Variants in KCNIP4 observed in about 807,000 individuals in gnomAD.
KCNIP4 encodes potassium voltage-gated channel interacting protein 4, also known as Kv channel-interacting protein 4.
A neutral mutation model predicts 34.0 loss-of-function variants in KCNIP4; 12 were observed. The observed-to-expected ratio is 0.35, with a 90% CI of 0.23 to 0.57. The LOEUF (loss-of-function observed/expected upper bound fraction) is 0.57. Among genes scored for constraint, KCNIP4 ranks in the 20% least tolerant of loss-of-function variants. The pLI is 0.83. For missense variants in KCNIP4, 238 were observed against 311.7 expected, an observed-to-expected ratio of 0.76 and a Z score of 1.78; for synonymous variants, 124 against 102.2, an observed-to-expected ratio of 1.21 and a Z score of -1.29.
At chr4:20,848,324 C>T (rs1433149717) in intron 3 of KCNIP4, among the ~76,000 whole-genome samples, 2 of 147,166 alleles carry the variant, frequency 1.4e-5, no homozygotes, top group Admixed American at 6.8e-5. Flanking sequence ...TGAAAGGAGA[C>T]AATAATTCAC....
chr4:21,229,559 C>G (rs930451670), intron 1 of KCNIP4, among the ~76,000 whole-genome samples: 1 of 152,070 alleles, frequency 6.6e-6, no homozygotes, highest in African/African-American at 2.4e-5. Flanking sequence ...AAGAACTTAT[C>G]ATCTATTGGG....
chr4:21,511,006 TG>T (rs1734270326), intron 1 of KCNIP4, among the ~76,000 whole-genome samples: 3 of 152,086 alleles, frequency 2.0e-5, no homozygotes, highest in Non-Finnish European at 4.4e-5. Context: ...ATTGTTCCAC[TG>T]CACTCCAGCC....
intron 1 of KCNIP4, among the ~76,000 whole-genome samples, chr4:21,781,667 A>G (rs1719581997): frequency 6.6e-6 from 1 of 152,218 alleles, no homozygotes; most frequent in African/African-American, 2.4e-5. Flanking sequence ...AAAGAAAAAA[A>G]TTATAAATAA....
intron 1 of KCNIP4, among the ~76,000 whole-genome samples, chr4:21,492,696 C>T (rs5022624): frequency 1.3e-5 from 2 of 152,086 alleles, no homozygotes; most frequent in Non-Finnish European, 1.5e-5. Context: ...TTCTTTGAAG[C>T]GTATTTCTTC....
intron 1 of KCNIP4, among the ~76,000 whole-genome samples, chr4:21,652,637 A>G (rs1348679118): frequency 6.6e-6 from 1 of 152,190 alleles, no homozygotes; most frequent in African/African-American, 2.4e-5. Context: ...TTTTCCATTG[A>G]GCCATATGCT....
At chr4:20,963,676 TGA>T (rs1225227028) in intron 1 of KCNIP4, among the ~76,000 whole-genome samples, 6 of 151,846 alleles carry the variant, frequency 4.0e-5, no homozygotes, top group Admixed American at 3.9e-4. Flanking sequence ...TTTTGTGCAG[TGA>T]AAGAGGAGGT....
chr4:21,389,072 C>T (rs1458371062), intron 1 of KCNIP4, among the ~76,000 whole-genome samples: 1 of 151,736 alleles, frequency 6.6e-6, no homozygotes, highest in Non-Finnish European at 1.5e-5. Context: ...GCAGCCTTGA[C>T]CTCCCTGGGC....
intron 1 of KCNIP4, among the ~76,000 whole-genome samples, chr4:21,491,354 A>T (rs532453641): frequency 6.6e-6 from 1 of 152,216 alleles, no homozygotes; most frequent in East Asian, 1.9e-4. Context: ...AAGATGAAAG[A>T]GAACTGGGTC....
chr4:21,650,778 C>T (rs1430987578), intron 1 of KCNIP4, among the ~76,000 whole-genome samples: 1 of 152,166 alleles, frequency 6.6e-6, no homozygotes, highest in Non-Finnish European at 1.5e-5. Context: ...TTCACAAGGT[C>T]AAAGTTATGA....
At chr4:21,055,331 T>C (rs76008546) in intron 1 of KCNIP4, among the ~76,000 whole-genome samples, 12 of 152,256 alleles carry the variant, frequency 7.9e-5, no homozygotes, top group African/African-American at 2.4e-4. Flanking sequence ...AAAGGCAAAA[T>C]GGTACAACCA....
At chr4:21,344,523 G>C (rs1186157859) in intron 1 of KCNIP4, among the ~76,000 whole-genome samples, 1 of 152,184 alleles carries the variant, frequency 6.6e-6, no homozygotes, top group Admixed American at 6.5e-5. Flanking sequence ...GAATCTAAAA[G>C]GAGCAGCCAC....
intron 1 of KCNIP4, among the ~76,000 whole-genome samples, chr4:21,620,855 C>T (rs1277299601): frequency 6.6e-6 from 1 of 152,152 alleles, no homozygotes; most frequent in Non-Finnish European, 1.5e-5. Flanking sequence ...CTTCTGATGC[C>T]CTGTCTTTCA....
intron 1 of KCNIP4, among the ~76,000 whole-genome samples, chr4:21,412,411 T>C (rs1724585829): frequency 6.6e-6 from 1 of 152,130 alleles, no homozygotes; most frequent in African/African-American, 2.4e-5. Flanking sequence ...TCACAGAAAT[T>C]CATCTGACCT....
At chr4:21,235,255 G>T (rs1759271257) in intron 1 of KCNIP4, among the ~76,000 whole-genome samples, 1 of 152,036 alleles carries the variant, frequency 6.6e-6, no homozygotes, top group Admixed American at 6.6e-5. Context: ...TTGCACTTAG[G>T]TTTACAGACC....
intron 1 of KCNIP4, among the ~76,000 whole-genome samples, chr4:21,358,787 G>T (rs1190804264): frequency 6.6e-6 from 1 of 151,968 alleles, no homozygotes; most frequent in East Asian, 1.9e-4. Context: ...ATATCTGATT[G>T]CCTCCTTTGG....
chr4:20,940,828 T>C (rs1208381938), intron 1 of KCNIP4, among the ~76,000 whole-genome samples: 2 of 152,106 alleles, frequency 1.3e-5, no homozygotes, highest in African/African-American at 2.4e-5. Flanking sequence ...AATTAATTAG[T>C]AGAGGAGAAC....
At chr4:20,803,034 C>T (rs1266569989) in intron 3 of KCNIP4, among the ~76,000 whole-genome samples, 1 of 145,074 alleles carries the variant, frequency 6.9e-6, no homozygotes, top group African/African-American at 2.6e-5. Flanking sequence ...GAGATCGCTC[C>T]ACTGCACTCC....
At chr4:21,053,032 C>A (rs1743063844) in intron 1 of KCNIP4, among the ~76,000 whole-genome samples, 1 of 145,020 alleles carries the variant, frequency 6.9e-6, no homozygotes, top group South Asian at 2.1e-4. Context: ...CACATACACA[C>A]ACACACATAT....
intron 1 of KCNIP4, among the ~76,000 whole-genome samples, chr4:20,978,119 T>C (rs1683639946): frequency 6.6e-6 from 1 of 152,238 alleles, no homozygotes; most frequent in Admixed American, 6.5e-5. Flanking sequence ...GCGGGGACTC[T>C]GCAACTCATT....
Sources: allele counts gnomAD v4.1 joint callset (sites outside exome capture counted in the v4.1 genomes callset), GRCh38; gene constraint gnomAD v4.1.1; transcripts MANE v1.5; gene names NCBI Gene and HGNC (gene_info 2026-07-23, HGNC 2026-07-21).